RAB8B: variants seen among roughly 807,000 people sequenced by gnomAD.
RAB8B encodes the protein RAB8B, member RAS oncogene family, also known as ras-related protein Rab-8B.
Under a neutral mutation model 32.0 loss-of-function variants are expected in RAB8B, and 11 were observed. The ratio of observed to expected loss-of-function variants is 0.34; its 90% confidence interval spans 0.22 to 0.57. The LOEUF (loss-of-function observed/expected upper bound fraction) is 0.57, where lower values mean the gene tolerates loss of function less well. RAB8B is among the 20% of genes least tolerant of loss of function. The pLI, the probability that RAB8B is intolerant of heterozygous loss-of-function variation, is 0.86. For synonymous variants in RAB8B, 103 were observed against 89.6 expected (o/e 1.15, Z -0.85); for missense variants, 190 against 258.5 (o/e 0.73, Z 1.82).
At chr15:63,208,224 C>T (rs2037715407) in intron 1 of RAB8B, among the ~76,000 whole-genome samples, 1 of 152,182 alleles carries the variant, frequency 6.6e-6, no homozygotes, top group Admixed American at 6.5e-5. Context: ...AAACTCTAAC[C>T]CAGGGACCCT....
In RAB8B at chr15:63,244,824, AACAC is replaced by A. The variant is rs775358970; in HGVS notation, c.185+16_185+19del. The stretch of plus-strand genomic sequence containing the variant: ...AATTAAGCTTCAGATATGGTAAGTA[AACAC>A]ACACACAGAGTTTCTGCTTTAATTG... On this transcript the variant is annotated intron_variant, in intron 2 of 7. Coordinates refer to ENST00000321437, the MANE Select transcript of RAB8B (RefSeq NM_016530.3). 6 of 1,566,032 alleles carry A rather than the reference AACAC, an allele frequency of 3.8e-6. No homozygotes were observed. The highest frequency in any genetic ancestry group is 4.5e-5 in the East Asian group (2 of 44,516).
chr15:63,213,552 T>A (rs1450042940), intron 1 of RAB8B, among the ~76,000 whole-genome samples: 2 of 152,180 alleles, frequency 1.3e-5, no homozygotes, highest in African/African-American at 4.8e-5. Context: ...CTTTCATTTT[T>A]AAAATAATGA....
intron 1 of RAB8B, among the ~76,000 whole-genome samples, chr15:63,236,019 T>G (rs1295535729): frequency 6.6e-6 from 1 of 152,192 alleles, no homozygotes; most frequent in African/African-American, 2.4e-5. Context: ...AAAACTTGAT[T>G]TTAACCTAAC....
Position 63,259,508 on chromosome 15 carries a change from C to A in RAB8B, c.415-119C>A. On this transcript the variant is annotated intron_variant, in intron 5 of 7. Coordinates refer to ENST00000321437, the MANE Select transcript of RAB8B (RefSeq NM_016530.3). The surrounding 1 kb of genome is among the most constrained non-coding windows in gnomAD (Gnocchi z 4.4). ...AGAAGAAAGCAAAGAAATTTGAGAA[C>A]CACAGGAGTTCTGAAATAGATACCC... The A allele has an allele frequency of 2.6e-6, 2 of 777,036 alleles. No homozygotes were observed. Among genetic ancestry groups the A allele is most frequent in the Non-Finnish European group, 4.2e-6 (2 of 477,786 alleles). The allele number at this position is 777,036 out of a possible 1,614,324, so 48.1% of individuals were successfully genotyped here.
chr15:63,190,300 G>T (rs2037545048), intron 1 of RAB8B, among the ~76,000 whole-genome samples: 1 of 152,114 alleles, frequency 6.6e-6, no homozygotes, highest in Admixed American at 6.5e-5. Flanking sequence ...GGAAGAAGGG[G>T]ACGGCTGGCC....
intron 1 of RAB8B, among the ~76,000 whole-genome samples, chr15:63,202,112 A>G (rs1478251995): frequency 2.0e-5 from 3 of 147,732 alleles, no homozygotes; most frequent in Non-Finnish European, 4.5e-5. Context: ...AAAAAAAAAA[A>G]AAAAAAATAC....
intron 1 of RAB8B, among the ~76,000 whole-genome samples, chr15:63,226,507 G>A (rs2037890005): frequency 6.6e-6 from 1 of 152,198 alleles, no homozygotes; most frequent in African/African-American, 2.4e-5. Context: ...CAGTTTTTCA[G>A]AATGCACACA....
intron 1 of RAB8B, among the ~76,000 whole-genome samples, chr15:63,195,553 A>G (rs796745277): frequency 6.6e-6 from 1 of 152,242 alleles, no homozygotes; most frequent in Non-Finnish European, 1.5e-5. Context: ...AAATAAGTCT[A>G]GTCTTTGAGG....
chr15:63,233,055 C>CTTTT lies in RAB8B; in HGVS notation c.125-11693_125-11690dup, dbSNP rs752891283. On this transcript the variant is annotated intron_variant, in intron 1 of 7. Transcript: ENST00000321437. ...CTTTTTTTTCAATCTAAGTAGCATT[C>CTTTT]TTTTTTTTTTTCTTTTTTGTTGAGA... 1.6e-3 allele frequency among the ~76,000 whole-genome samples: 228 copies of CTTTT among 141,518 alleles called. 19 individuals are homozygous for CTTTT. The highest frequency in any genetic ancestry group is 3.7e-3 in the Middle Eastern group (1 of 272). The allele number at this position is 141,518 out of a possible 152,430, so 92.8% of individuals were successfully genotyped here.
intron 1 of RAB8B, among the ~76,000 whole-genome samples, chr15:63,233,366 A>G (rs2037952010): frequency 6.6e-6 from 1 of 152,000 alleles, no homozygotes; most frequent in African/African-American, 2.4e-5. Flanking sequence ...TCCCAGTCTC[A>G]ATCTAAGTAA....
At chr15:63,262,783 G>A in intron 7 of RAB8B, 41 bp downstream of exon 7, 1 of 1,093,410 alleles carries the variant, frequency 9.1e-7, no homozygotes, top group Non-Finnish European at 1.3e-6. Flanking sequence ...TATGCTGTCT[G>A]TTTGGCATTT....
In RAB8B at chr15:63,194,727, A is replaced by C. The variant is rs576540727; in HGVS notation, c.124+4979A>C. ...TTTTCTTGGGTTCACTTTCCTTAAA[A>C]TCAGGGGTTAGCACACTATAGCCTA... On this transcript the variant is annotated intron_variant, in intron 1 of 7. Transcript: ENST00000321437. Among the ~76,000 whole-genome samples, 577 of 152,318 alleles carry C rather than the reference A, an allele frequency of 3.8e-3. 5 individuals are homozygous for C. Among genetic ancestry groups the C allele is most frequent in the Non-Finnish European group, 6.1e-3 (417 of 68,032 alleles).
At chr15:63,262,916 C>G (rs887477870) in intron 7 of RAB8B, 174 bp downstream of exon 7, 2 of 268,232 alleles carry the variant, frequency 7.5e-6, no homozygotes, top group African/African-American at 4.5e-5. Context: ...TATTTCTGAG[C>G]TGCCACTGTT....
intron 1 of RAB8B, among the ~76,000 whole-genome samples, chr15:63,199,163 A>G (rs2037627444): frequency 6.6e-6 from 1 of 152,222 alleles, no homozygotes; most frequent in Non-Finnish European, 1.5e-5. Context: ...CAAGATTTAG[A>G]GAGAGGGGAT....
At chr15:63,257,455 C>T (rs774428602) in intron 5 of RAB8B, among the ~76,000 whole-genome samples, 3 of 151,854 alleles carry the variant, frequency 2.0e-5, no homozygotes, top group Admixed American at 6.6e-5. Flanking sequence ...TTAGTAGAGA[C>T]GCGGTTTTGC....
intron 1 of RAB8B, among the ~76,000 whole-genome samples, chr15:63,207,755 G>A (rs554154886): frequency 4.6e-5 from 7 of 151,934 alleles, no homozygotes; most frequent in East Asian, 1.9e-4. Context: ...TAGTAGAGAC[G>A]GGGTTTCACC....
At chr15:63,193,881 T>C (rs1237538474) in intron 1 of RAB8B, among the ~76,000 whole-genome samples, 1 of 151,986 alleles carries the variant, frequency 6.6e-6, no homozygotes, top group South Asian at 2.1e-4. Flanking sequence ...TAAAGACAAC[T>C]AGGAATGATG....
Position 63,259,493 on chromosome 15 carries a change from A to G in RAB8B, c.415-134A>G. On this transcript the variant is annotated intron_variant, in intron 5 of 7. Transcript: ENST00000321437. This position sits in a 1 kb window ranked among gnomAD's most constrained non-coding sequence, Gnocchi z 4.4. ...AATTCTGAATACAGTAGAAGAAAGCAAAGAAATTTGAGAACCACAGGAGTT... is the reference window on the plus strand; with the variant it reads ...AATTCTGAATACAGTAGAAGAAAGCGAAGAAATTTGAGAACCACAGGAGTT... 1 of 696,424 alleles carries G rather than the reference A, an allele frequency of 1.4e-6. No homozygotes were observed. The allele number at this position is 696,424 out of a possible 1,614,324, so 43.1% of individuals were successfully genotyped here. A position where few individuals can be genotyped will look rare whatever the true frequency, so the allele number is the denominator to read the frequency against.
At chr15:63,242,294 GC>G (rs946687106) in intron 1 of RAB8B, among the ~76,000 whole-genome samples, 3 of 151,890 alleles carry the variant, frequency 2.0e-5, no homozygotes, top group Admixed American at 6.6e-5. Flanking sequence ...ATTGTATAAA[GC>G]TGGAGCTAGG....
Sources: allele counts gnomAD v4.1 joint callset (sites outside exome capture counted in the v4.1 genomes callset), GRCh38; gene constraint gnomAD v4.1.1; non-coding constraint Gnocchi (gnomAD v3.1); transcripts MANE v1.5; gene names NCBI Gene and HGNC (gene_info 2026-07-23, HGNC 2026-07-21).